PTPRR: variants seen among roughly 807,000 people sequenced by gnomAD.
The protein encoded by PTPRR is protein tyrosine phosphatase receptor type R, also known as receptor-type tyrosine-protein phosphatase R.
PTPRR carries 38 observed loss-of-function variants against 77.2 expected under a neutral mutation model. That is an observed-to-expected ratio of 0.49 (90% CI 0.38 to 0.65). The LOEUF is 0.65. PTPRR is among the 30% of genes least tolerant of loss of function. The probability of loss-of-function intolerance (pLI) is 0.00; values close to 1 mark genes in which losing one functional copy is unlikely to be tolerated. For missense variants in PTPRR, 744 were observed against 799.2 expected, an observed-to-expected ratio of 0.93 and a Z score of 0.83; for synonymous variants, 299 against 283.1, an observed-to-expected ratio of 1.06 and a Z score of -0.57.
chr12:70,829,177 T>C (rs1362749439), intron 2 of PTPRR, among the ~76,000 whole-genome samples: 1 of 150,242 alleles, frequency 6.7e-6, no homozygotes, highest in Non-Finnish European at 1.5e-5. Context: ...TGGCACATAA[T>C]AGGCATTCAA....
intron 1 of PTPRR, among the ~76,000 whole-genome samples, chr12:70,907,699 A>AT (rs1893642591): frequency 6.6e-6 from 1 of 152,232 alleles, no homozygotes; most frequent in Non-Finnish European, 1.5e-5. Flanking sequence ...AATGAGCATT[A>AT]AGACCTTGGG....
At chr12:70,801,991 A>G (rs1049958907) in intron 2 of PTPRR, among the ~76,000 whole-genome samples, 1 of 152,170 alleles carries the variant, frequency 6.6e-6, no homozygotes, top group African/African-American at 2.4e-5. Context: ...GTCGCAGAGT[A>G]GGTTGTGGCC....
intron 10 of PTPRR, among the ~76,000 whole-genome samples, chr12:70,666,657 A>C (rs575137568): frequency 5.0e-4 from 76 of 152,316 alleles, no homozygotes; most frequent in Admixed American, 2.7e-3. Context: ...TCTAAGTTAA[A>C]AAATCTAAAT....
chr12:70,713,972 GAAGACGGAGTGAAGCAGAGC>G (rs1309552142), intron 6 of PTPRR, among the ~76,000 whole-genome samples: 1 of 152,104 alleles, frequency 6.6e-6, no homozygotes, highest in Non-Finnish European at 1.5e-5. Flanking sequence ...ATTTACATTG[GAAGACGGAGTGAAGCAGAGC>G]AACCCTCCTA....
At chr12:70,864,738 T>C (rs958212973) in intron 2 of PTPRR, among the ~76,000 whole-genome samples, 10 of 152,142 alleles carry the variant, frequency 6.6e-5, no homozygotes, top group African/African-American at 2.4e-4. Flanking sequence ...TGAGAGAGAA[T>C]TGAATCATAG....
intron 8 of PTPRR, among the ~76,000 whole-genome samples, chr12:70,694,253 A>T (rs1253490629): frequency 6.6e-6 from 1 of 152,210 alleles, no homozygotes; most frequent in Non-Finnish European, 1.5e-5. Flanking sequence ...AAAATTTTAA[A>T]TATAAAATGA....
chr12:70,909,825 T>C (rs1009727506), intron 1 of PTPRR, among the ~76,000 whole-genome samples: 6 of 152,358 alleles, frequency 3.9e-5, no homozygotes, highest in Admixed American at 1.3e-4. Flanking sequence ...TGACAGATAC[T>C]TTGTCAGAAG....
At chr12:70,823,958 G>T (rs1892066566) in intron 2 of PTPRR, among the ~76,000 whole-genome samples, 1 of 152,172 alleles carries the variant, frequency 6.6e-6, no homozygotes, top group South Asian at 2.1e-4. Context: ...GGTGGCAATT[G>T]AGCAGTGAGG....
chr12:70,865,858 T>A (rs1241866215), intron 2 of PTPRR, among the ~76,000 whole-genome samples: 1 of 152,124 alleles, frequency 6.6e-6, no homozygotes, highest in Non-Finnish European at 1.5e-5. Flanking sequence ...GTATTCTGTC[T>A]AAAGAGAGAA....
intron 2 of PTPRR, among the ~76,000 whole-genome samples, chr12:70,848,204 G>GTAAA (rs1273206620): frequency 6.6e-6 from 1 of 152,190 alleles, no homozygotes; most frequent in Non-Finnish European, 1.5e-5. Context: ...ATGACTTGAT[G>GTAAA]TGTAGACAAT....
At chr12:70,908,497 A>G (rs1034708655) in intron 1 of PTPRR, among the ~76,000 whole-genome samples, 1 of 152,164 alleles carries the variant, frequency 6.6e-6, no homozygotes, top group African/African-American at 2.4e-5. Flanking sequence ...GAAGGGGGGA[A>G]GTCCCTTATA....
chr12:70,708,003 A>C (rs1047890785), intron 6 of PTPRR, among the ~76,000 whole-genome samples: 11 of 152,010 alleles, frequency 7.2e-5, no homozygotes, highest in African/African-American at 2.4e-4. Context: ...CCAGGCAGAC[A>C]ATCTACCTGC....
At chr12:70,639,323 C>A (rs768970323) in intron 13 of PTPRR, 46 bp from the exon 14 acceptor site, 7 of 1,587,430 alleles carry the variant, frequency 4.4e-6, no homozygotes, top group Non-Finnish European at 5.2e-6. Context: ...TAAAATCTTG[C>A]AATTTCAAGT....
chr12:70,706,382 C>T (rs906086103), intron 6 of PTPRR, among the ~76,000 whole-genome samples: 2 of 151,714 alleles, frequency 1.3e-5, no homozygotes, highest in African/African-American at 2.4e-5. Context: ...GGTATTGTGA[C>T]CATTCATAAT....
At chr12:70,779,626 G>A (rs567919226) in intron 2 of PTPRR, among the ~76,000 whole-genome samples, 12 of 152,164 alleles carry the variant, frequency 7.9e-5, no homozygotes, top group Admixed American at 4.6e-4. Flanking sequence ...CCATTGGTGC[G>A]GGTCCATGTC....
intron 3 of PTPRR, among the ~76,000 whole-genome samples, chr12:70,762,177 T>G (rs1890707097): frequency 6.6e-6 from 1 of 152,138 alleles, no homozygotes. Context: ...GGTCATTTGG[T>G]GGAAATGCAT....
At chr12:70,684,290 A>G (rs760180732) in intron 9 of PTPRR, 26 bp from the exon 10 acceptor site, 273 of 1,595,800 alleles carry the variant, frequency 1.7e-4, no homozygotes, top group Non-Finnish European at 2.2e-4. Flanking sequence ...AAACAAAAAT[A>G]TTGGTTTTTA....
intron 6 of PTPRR, among the ~76,000 whole-genome samples, chr12:70,728,461 T>A (rs568046335): frequency 1.4e-5 from 1 of 71,816 alleles, no homozygotes; most frequent in East Asian, 4.2e-4. Context: ...TATATATATA[T>A]ACATATATGT....
At chr12:70,752,693 T>A (rs186338431) in intron 5 of PTPRR, among the ~76,000 whole-genome samples, 90 of 152,340 alleles carry the variant, frequency 5.9e-4, no homozygotes, top group Admixed American at 4.1e-3. Context: ...TTTCCACTTT[T>A]ATCACTTTCA....
Sources: allele counts gnomAD v4.1 joint callset (sites outside exome capture counted in the v4.1 genomes callset), GRCh38; gene constraint gnomAD v4.1.1; transcripts MANE v1.5; gene names NCBI Gene and HGNC (gene_info 2026-07-23, HGNC 2026-07-21).